Variants in NFIA observed in about 807,000 individuals in gnomAD.
NFIA encodes the protein nuclear factor 1 A-type.
NFIA carries 8 observed loss-of-function variants against 62.8 expected under a neutral mutation model. That is an observed-to-expected ratio of 0.13 (90% CI 0.07 to 0.23). The LOEUF (loss-of-function observed/expected upper bound fraction) is 0.23. Among genes scored for constraint, NFIA ranks in the 10% least tolerant of loss-of-function variants. The pLI is 1.00. For synonymous variants in NFIA, 235 were observed against 238.1 expected (o/e 0.99, Z 0.12); for missense variants, 410 against 642.1 (o/e 0.64, Z 3.91).
intron 6 of NFIA, among the ~76,000 whole-genome samples, chr1:61,363,248 C>G (rs1663394601): frequency 6.6e-6 from 1 of 152,182 alleles, no homozygotes; most frequent in African/African-American, 2.4e-5. Flanking sequence ...TCAGTAACCT[C>G]TTTTACCATA....
intron 10 of NFIA, among the ~76,000 whole-genome samples, chr1:61,429,949 T>C (rs1433990287): frequency 6.6e-6 from 1 of 152,156 alleles, no homozygotes; most frequent in East Asian, 1.9e-4. Context: ...GTTAAAGGGG[T>C]ACAGAGTTTC....
intron 2 of NFIA, among the ~76,000 whole-genome samples, chr1:61,242,409 A>G (rs931446316): frequency 1.3e-5 from 2 of 152,162 alleles, no homozygotes; most frequent in African/African-American, 4.8e-5. Context: ...ATAAGGGAAG[A>G]TAGTTTGAAC....
At chr1:61,248,281 G>A (rs1480587644) in intron 2 of NFIA, among the ~76,000 whole-genome samples, 1 of 152,210 alleles carries the variant, frequency 6.6e-6, no homozygotes, top group Admixed American at 6.5e-5. Flanking sequence ...GTTTTTATCT[G>A]TGTGCACAAT....
intron 2 of NFIA, among the ~76,000 whole-genome samples, chr1:61,186,132 G>T (rs910576246): frequency 1.3e-5 from 2 of 152,168 alleles, no homozygotes; most frequent in South Asian, 2.1e-4. Context: ...AAAATACATT[G>T]TTAAACGAAT....
chr1:61,276,017 A>G (rs1000921717), intron 2 of NFIA, among the ~76,000 whole-genome samples: 9 of 152,130 alleles, frequency 5.9e-5, no homozygotes, highest in Non-Finnish European at 1.2e-4. Context: ...GGCATATAAT[A>G]ATACATTTTG....
intron 9 of NFIA, among the ~76,000 whole-genome samples, chr1:61,422,299 A>G (rs926409281): frequency 6.6e-6 from 1 of 152,220 alleles, no homozygotes; most frequent in Non-Finnish European, 1.5e-5. Flanking sequence ...GTTGGCATGA[A>G]TATTTTAATA....
chr1:61,133,684 T>C (rs1647123113), intron 2 of NFIA, among the ~76,000 whole-genome samples: 1 of 152,190 alleles, frequency 6.6e-6, no homozygotes, highest in South Asian at 2.1e-4. Context: ...ACTTCTTTGC[T>C]CCTCTGTTTT....
At chr1:61,196,952 CTG>C (rs1178920796) in intron 2 of NFIA, among the ~76,000 whole-genome samples, 1 of 148,946 alleles carries the variant, frequency 6.7e-6, no homozygotes, top group Non-Finnish European at 1.5e-5. Flanking sequence ...CGCGCGCGCG[CTG>C]TGTGTGTGTG....
intron 7 of NFIA, among the ~76,000 whole-genome samples, chr1:61,392,129 G>A (rs1665013505): frequency 6.6e-6 from 1 of 152,204 alleles, no homozygotes; most frequent in African/African-American, 2.4e-5. Context: ...GCCTCGTTCA[G>A]GGTTAGTTCA....
At chr1:61,219,230 TC>T (rs1653848956) in intron 2 of NFIA, among the ~76,000 whole-genome samples, 1 of 142,962 alleles carries the variant, frequency 7.0e-6, no homozygotes, top group Non-Finnish European at 1.6e-5. Flanking sequence ...AAACTCAGTC[TC>T]AAAAAAAAAA....
At position 61,332,606 on chromosome 1, in the gene NFIA, G is replaced by C. The variant is rs1193078973; in HGVS notation, c.700+20G>C. On this transcript the variant is annotated intron_variant, in intron 4 of 10. Coordinates refer to ENST00000403491, the MANE Select transcript of NFIA (RefSeq NM_001134673.4). ...CACAGAGTAAGTATAATTTTGCTTTGATTTGGTACAGATTTGCCTTGGTTT... is the reference window on the plus strand; with the variant it reads ...CACAGAGTAAGTATAATTTTGCTTTCATTTGGTACAGATTTGCCTTGGTTT... 2 of 1,608,292 alleles carry C rather than the reference G, an allele frequency of 1.2e-6. No individual in the cohort carries two copies. Among genetic ancestry groups the C allele is most frequent in the Non-Finnish European group, 1.7e-6 (2 of 1,175,224 alleles).
At chr1:61,272,694 G>A (rs1283592933) in intron 2 of NFIA, among the ~76,000 whole-genome samples, 1 of 152,144 alleles carries the variant, frequency 6.6e-6, no homozygotes, top group African/African-American at 2.4e-5. Flanking sequence ...TACACTCAGA[G>A]TGTAATCACC....
chr1:61,168,314 A>T (rs966815668), intron 2 of NFIA, among the ~76,000 whole-genome samples: 6 of 152,228 alleles, frequency 3.9e-5, no homozygotes, highest in Admixed American at 6.5e-5. Context: ...AACTGATTTC[A>T]GTGACACCTA....
intron 6 of NFIA, among the ~76,000 whole-genome samples, chr1:61,376,618 C>T (rs1296811325): frequency 1.3e-5 from 2 of 152,072 alleles, no homozygotes; most frequent in Non-Finnish European, 2.9e-5. Context: ...GGTTTTTTTG[C>T]ATACACTTTT....
chr1:61,322,458 C>T (rs1235830520), intron 3 of NFIA, among the ~76,000 whole-genome samples: 1 of 152,206 alleles, frequency 6.6e-6, no homozygotes. Context: ...TCTTACTGCT[C>T]TGCTATTCCA....
At chr1:61,361,600 G>A (rs534394462) in intron 6 of NFIA, among the ~76,000 whole-genome samples, 1 of 152,192 alleles carries the variant, frequency 6.6e-6, no homozygotes, top group African/African-American at 2.4e-5. Context: ...TATATTGGGG[G>A]CTGTGGAGGT....
intron 10 of NFIA, among the ~76,000 whole-genome samples, chr1:61,442,706 CAAAAG>C (rs1667640484): frequency 6.6e-6 from 1 of 151,916 alleles, no homozygotes; most frequent in East Asian, 1.9e-4. Flanking sequence ...AAAAAATACA[CAAAAG>C]AAAGAACACA....
At chr1:61,438,191 A>T (rs1286165930) in intron 10 of NFIA, among the ~76,000 whole-genome samples, 2 of 152,160 alleles carry the variant, frequency 1.3e-5, no homozygotes, top group African/African-American at 4.8e-5. Context: ...GTGACCTTGG[A>T]ATAATTTTTA....
chr1:61,306,130 G>C (rs191675516), intron 3 of NFIA, among the ~76,000 whole-genome samples: 5 of 151,542 alleles, frequency 3.3e-5, no homozygotes, highest in South Asian at 4.2e-4. Context: ...GATTACAGGC[G>C]TGAGCCACCG....
Sources: gnomAD v4.1 joint callset for allele counts (sites outside exome capture counted in the v4.1 genomes callset) on GRCh38, gnomAD v4.1.1 for gene constraint, MANE v1.5 for transcripts, NCBI Gene and HGNC (gene_info 2026-07-23, HGNC 2026-07-21) for gene names.